Variants in AFF1 observed in about 807,000 individuals in gnomAD.
AFF1 encodes the protein ALF transcription elongation factor 1.
Under a neutral mutation model 121.7 loss-of-function variants are expected in AFF1, and 48 were observed. The observed-to-expected ratio is 0.39, with a 90% CI of 0.31 to 0.50. AFF1 has a LOEUF of 0.50. Among genes scored for constraint, AFF1 ranks in the 20% least tolerant of loss-of-function variants. The pLI is 0.76. For synonymous variants in AFF1, 613 were observed against 563.0 expected (o/e 1.09, Z -1.26); for missense variants, 1,523 against 1,511.7 (o/e 1.01, Z -0.12).
At chr4:87,086,552 C>T (rs529263934) in intron 5 of AFF1, among the ~76,000 whole-genome samples, 2 of 152,152 alleles carry the variant, frequency 1.3e-5, no homozygotes, top group Non-Finnish European at 2.9e-5. Context: ...AACAGAAGGA[C>T]GTCCAGGACT....
Position 87,139,095 on chromosome 4 carries a change from A to G in AFF1, c.*3394A>G, listed in dbSNP as rs189612581. The G allele has an allele frequency of 8.8e-5, 20 of 227,564 alleles. No individual in the cohort carries two copies. Among genetic ancestry groups the G allele is most frequent in the African/African-American group, 3.8e-4 (17 of 45,184 alleles). The allele number at this position is 227,564 out of a possible 1,614,324, so 14.1% of individuals were successfully genotyped here. A position where few individuals can be genotyped will look rare whatever the true frequency, so the allele number is the denominator to read the frequency against. ...GAAGAAAGCCATTGTGTCCTCTACA[A>G]TTAACAAAACTTATCTCTGATATAC... On this transcript the variant is annotated 3_prime_UTR_variant, in exon 21 of 21. Transcript: ENST00000395146.
intron 1 of AFF1, among the ~76,000 whole-genome samples, chr4:86,947,069 C>A (rs1720921268): frequency 6.6e-6 from 1 of 152,090 alleles, no homozygotes; most frequent in South Asian, 2.1e-4. Flanking sequence ...AGGGGTAGAG[C>A]TAGCGATGCA....
chr4:87,096,474 C>T (rs1179520514), intron 8 of AFF1, among the ~76,000 whole-genome samples: 1 of 143,566 alleles, frequency 7.0e-6, no homozygotes, highest in Non-Finnish European at 1.5e-5. Context: ...TAAAGCAGTT[C>T]TCCTGCCTCA....
intron 1 of AFF1, among the ~76,000 whole-genome samples, chr4:86,941,602 A>G (rs1720462389): frequency 1.3e-5 from 2 of 152,172 alleles, no homozygotes; most frequent in Non-Finnish European, 2.9e-5. Context: ...CAGTGAGCCA[A>G]GATTGTGCCA....
At chr4:86,964,752 G>A (rs1165033747) in intron 2 of AFF1, among the ~76,000 whole-genome samples, 1 of 152,154 alleles carries the variant, frequency 6.6e-6, no homozygotes, top group South Asian at 2.1e-4. Flanking sequence ...CATCCTTCTC[G>A]TTATTCCTCT....
intron 2 of AFF1, among the ~76,000 whole-genome samples, chr4:86,994,437 T>A (rs563117938): frequency 6.6e-6 from 1 of 152,356 alleles, no homozygotes; most frequent in South Asian, 2.1e-4. Flanking sequence ...GTCCACTGAT[T>A]GTGTAATGAG....
chr4:86,998,856 C>G (rs1394176764), intron 2 of AFF1, among the ~76,000 whole-genome samples: 1 of 152,084 alleles, frequency 6.6e-6, no homozygotes, highest in African/African-American at 2.4e-5. Flanking sequence ...CACTCCCATC[C>G]CTCTACTTTC....
At chr4:87,129,421 A>T (rs1295968698) in intron 16 of AFF1, among the ~76,000 whole-genome samples, 1 of 152,236 alleles carries the variant, frequency 6.6e-6, no homozygotes, top group African/African-American at 2.4e-5. Context: ...CTTATGATAT[A>T]CTTATCTAAA....
chr4:87,118,566 A>T (rs961148056), intron 12 of AFF1, among the ~76,000 whole-genome samples: 7 of 152,146 alleles, frequency 4.6e-5, no homozygotes, highest in African/African-American at 1.7e-4. Flanking sequence ...CCAGGCTGGA[A>T]TGCAGTGGCA....
chr4:87,022,543 G>GATATATATATATATATATATATAT (rs1156817444), intron 2 of AFF1, among the ~76,000 whole-genome samples: 1 of 80,172 alleles, frequency 1.2e-5, no homozygotes, highest in African/African-American at 4.2e-5. Flanking sequence ...CGTGCTTACA[G>GATATATATATATATATATATATAT]ATATATATAT....
At chr4:87,007,283 TCGGGGCGCCGCGCCGGGACG>T (rs1266196390) in intron 2 of AFF1, 44 of 1,560,116 alleles carry the variant, frequency 2.8e-5, no homozygotes, top group Non-Finnish European at 3.6e-5. Context: ...TCCCGTAACA[TCGGGGCGCCGCGCCGGGACG>T]CGTCCCCGCC....
At chr4:87,061,063 G>A (rs946520788) in intron 4 of AFF1, among the ~76,000 whole-genome samples, 10 of 152,096 alleles carry the variant, frequency 6.6e-5, no homozygotes, top group Non-Finnish European at 1.0e-4. Flanking sequence ...CTGGTCTGTT[G>A]TTCTGAACCT....
intron 2 of AFF1, among the ~76,000 whole-genome samples, chr4:86,961,251 C>A (rs1722122024): frequency 6.6e-6 from 1 of 152,102 alleles, no homozygotes; most frequent in Non-Finnish European, 1.5e-5. Context: ...TCTCGTAACT[C>A]CCTATGAGGT....
chr4:87,048,024 A>T (rs1730899526), intron 4 of AFF1: 1 of 195,432 alleles, frequency 5.1e-6, no homozygotes, highest in African/African-American at 2.4e-5. Context: ...ACACGAAAAA[A>T]TTTTTTTTGA....
rs148750947 is a variant in AFF1, at chr4:87,023,982, A to G, written c.39-22184A>G. 5.9e-3 allele frequency among the ~76,000 whole-genome samples: 902 copies of G among 152,300 alleles called. 7 individuals carry two copies. Among genetic ancestry groups the G allele is most frequent in the African/African-American group, 0.021 (860 of 41,554 alleles). ...CACTTTTAAGGACAGAGGATTATGT[A>G]TAATTTTGATCTATGGTAATAGCAG... On this transcript the variant is annotated intron_variant, in intron 2 of 20. Transcript: ENST00000395146.
rs150130891 is a variant in AFF1, at chr4:87,075,851, C to T, written c.1060-8269C>T. Among the ~76,000 whole-genome samples, 468 of 152,206 alleles carry T rather than the reference C, an allele frequency of 3.1e-3. 3 individuals are homozygous for T. Among genetic ancestry groups the T allele is most frequent in the African/African-American group, 0.011 (449 of 41,530 alleles). ...TCCCAGGAAAGAGATTGGAAATTCA[C>T]CATAAAACTCTAATTACTTTTTGGT... On this transcript the variant is annotated intron_variant, in intron 4 of 20. Transcript: ENST00000395146.
chr4:87,070,855 G>A (rs561480076), intron 4 of AFF1, among the ~76,000 whole-genome samples: 6 of 152,312 alleles, frequency 3.9e-5, no homozygotes, highest in East Asian at 3.9e-4. Context: ...TGTAGGGGGT[G>A]TAAATTTATG....
chr4:86,968,926 C>T (rs1430501990), intron 2 of AFF1, among the ~76,000 whole-genome samples: 1 of 152,164 alleles, frequency 6.6e-6, no homozygotes, highest in Non-Finnish European at 1.5e-5. Flanking sequence ...AGTGAGATGG[C>T]ACAGTGGGCC....
At chr4:86,945,390 T>C (rs1452275633) in intron 1 of AFF1, among the ~76,000 whole-genome samples, 1 of 148,834 alleles carries the variant, frequency 6.7e-6, no homozygotes, top group Admixed American at 6.8e-5. Context: ...AGTGGTGTGA[T>C]CACAGCTCAC....
Sources: gnomAD v4.1 joint callset for allele counts (sites outside exome capture counted in the v4.1 genomes callset) on GRCh38, gnomAD v4.1.1 for gene constraint, MANE v1.5 for transcripts, NCBI Gene and HGNC (gene_info 2026-07-23, HGNC 2026-07-21) for gene names.